Variants in NR5A2 observed in about 807,000 individuals in gnomAD.
NR5A2 encodes CYP7A promoter-binding factor.
Under a neutral mutation model 62.7 loss-of-function variants are expected in NR5A2, and 26 were observed. The ratio of observed to expected loss-of-function variants is 0.41; its 90% CI spans 0.30 to 0.58. The LOEUF (loss-of-function observed/expected upper bound fraction) is 0.58, where lower values mean the gene tolerates loss of function less well. NR5A2 is among the 20% of genes least tolerant of loss of function. The pLI, the probability that NR5A2 is intolerant of heterozygous loss-of-function variation, is 0.22. For missense variants in NR5A2, 541 were observed against 669.1 expected (o/e 0.81, Z 2.11); for synonymous variants, 246 against 241.7 (o/e 1.02, Z -0.16).
chr1:200,034,249 G>A (rs1571690195), intron 1 of NR5A2, among the ~76,000 whole-genome samples: 1 of 152,190 alleles, frequency 6.6e-6, no homozygotes, highest in East Asian at 1.9e-4. Flanking sequence ...AGGCTGGACA[G>A]AATTGATTCC....
At chr1:200,070,880 A>G (rs1272098764) in intron 5 of NR5A2, among the ~76,000 whole-genome samples, 2 of 152,088 alleles carry the variant, frequency 1.3e-5, no homozygotes, top group Admixed American at 1.3e-4. Context: ...GCAGAGTTTC[A>G]GTTTATATGT....
chr1:200,101,584 T>C (rs1276489082), intron 5 of NR5A2, among the ~76,000 whole-genome samples: 2 of 152,300 alleles, frequency 1.3e-5, no homozygotes, highest in Middle Eastern at 3.4e-3. Flanking sequence ...TCCTCCTCTA[T>C]CTTAACATGT....
rs1049428826 is a variant in NR5A2, at chr1:200,094,811, C to T, written c.1111-16391C>T. On this transcript the variant is annotated intron_variant, in intron 5 of 7. Transcript: ENST00000367362. ...CCTCCCAAAGTGCTGGGATTACAGG[C>T]GTGAGCCACCGCGCCTGGCCAAATG... Among the ~76,000 whole-genome samples, 18 of 151,680 alleles carry T rather than the reference C, an allele frequency of 1.2e-4. No individual in the cohort carries two copies. In the South Asian group the frequency reaches 1.5e-3, roughly 12 times the overall value.
chr1:200,073,004 A>G (rs925006864), intron 5 of NR5A2, among the ~76,000 whole-genome samples: 2 of 152,142 alleles, frequency 1.3e-5, no homozygotes, highest in African/African-American at 4.8e-5. Context: ...TCTAGGTGAC[A>G]CAAGATGTGA....
intron 7 of NR5A2, among the ~76,000 whole-genome samples, chr1:200,137,205 T>TA (rs1349053008): frequency 1.3e-5 from 2 of 151,764 alleles, no homozygotes; most frequent in African/African-American, 2.4e-5. Context: ...GGCTGGAGTG[T>TA]AGTAGCACAA....
chr1:200,159,737 C>T (rs1328252632), intron 7 of NR5A2, among the ~76,000 whole-genome samples: 1 of 151,934 alleles, frequency 6.6e-6, no homozygotes, highest in Non-Finnish European at 1.5e-5. Context: ...CTGCAACCTC[C>T]ACCTCCCAGG....
intron 5 of NR5A2, 150 bp from the exon 6 acceptor site, chr1:200,111,052 C>A: frequency 1.3e-6 from 1 of 799,588 alleles, no homozygotes. Flanking sequence ...GATATGAATT[C>A]TGGGCACCTG....
At chr1:200,078,389 T>C (rs887483980) in intron 5 of NR5A2, among the ~76,000 whole-genome samples, 5 of 152,170 alleles carry the variant, frequency 3.3e-5, no homozygotes, top group Admixed American at 3.3e-4. Context: ...TGATTGTTTG[T>C]AGTTATTTTA....
At chr1:200,076,178 C>T (rs1435280682) in intron 5 of NR5A2, among the ~76,000 whole-genome samples, 2 of 152,138 alleles carry the variant, frequency 1.3e-5, no homozygotes, top group African/African-American at 4.8e-5. Context: ...TCCAATATTT[C>T]AAAAGATACA....
intron 7 of NR5A2, among the ~76,000 whole-genome samples, chr1:200,154,519 C>A (rs563954272): frequency 1.3e-5 from 2 of 152,086 alleles, no homozygotes; most frequent in African/African-American, 4.8e-5. Flanking sequence ...GGTGGCCCCA[C>A]CACTGTCCAC....
At chr1:200,028,051 A>T (rs373828409) in intron 1 of NR5A2, 140 bp downstream of exon 1, 1 of 495,370 alleles carries the variant, frequency 2.0e-6, no homozygotes, top group Admixed American at 4.0e-5. Flanking sequence ...GCCTATGTAT[A>T]TATATCACAC....
At chr1:200,129,439 C>T (rs531779568) in intron 7 of NR5A2, among the ~76,000 whole-genome samples, 11 of 152,316 alleles carry the variant, frequency 7.2e-5, no homozygotes, top group Admixed American at 2.6e-4. Flanking sequence ...CAGAAAACCA[C>T]GGCACTTCAA....
intron 7 of NR5A2, among the ~76,000 whole-genome samples, chr1:200,145,615 T>C (rs1244735181): frequency 2.0e-5 from 3 of 152,116 alleles, no homozygotes; most frequent in African/African-American, 7.2e-5. Context: ...ACTAGGTTCT[T>C]ATGTTGCAGG....
At chr1:200,170,904 G>T (rs568532170) in intron 7 of NR5A2, among the ~76,000 whole-genome samples, 4 of 152,270 alleles carry the variant, frequency 2.6e-5, no homozygotes, top group African/African-American at 4.8e-5. Context: ...AAGGAAATTG[G>T]CTTGTGAAAT....
At chr1:200,111,153 A>G in intron 5 of NR5A2, 49 bp from the exon 6 acceptor site, 12 of 1,596,482 alleles carry the variant, frequency 7.5e-6, no homozygotes, top group Non-Finnish European at 1.0e-5. Flanking sequence ...AGTGAATAAC[A>G]GTGTCATTTT....
chr1:200,036,526 T>C (rs1196455895), intron 1 of NR5A2, among the ~76,000 whole-genome samples: 1 of 152,178 alleles, frequency 6.6e-6, no homozygotes, highest in African/African-American at 2.4e-5. Context: ...TGCCTCTGCC[T>C]CTTGGATGGA....
intron 5 of NR5A2, among the ~76,000 whole-genome samples, chr1:200,100,054 C>G (rs1328355192): frequency 2.0e-5 from 3 of 152,144 alleles, no homozygotes; most frequent in Non-Finnish European, 1.5e-5. Context: ...ATATATCAAG[C>G]TGAGAAGGAT....
At chr1:200,138,411 T>C (rs1667317510) in intron 7 of NR5A2, among the ~76,000 whole-genome samples, 2 of 152,224 alleles carry the variant, frequency 1.3e-5, no homozygotes, top group South Asian at 4.1e-4. Flanking sequence ...AACATCTTTC[T>C]GTTTCTTTGA....
intron 5 of NR5A2, among the ~76,000 whole-genome samples, chr1:200,073,062 T>G (rs1002239255): frequency 1.1e-4 from 16 of 151,922 alleles, no homozygotes; most frequent in African/African-American, 3.6e-4. Context: ...GTTGATTGCT[T>G]GCCTTTTTGT....
Sources: allele counts gnomAD v4.1 joint callset (sites outside exome capture counted in the v4.1 genomes callset), GRCh38; gene constraint gnomAD v4.1.1; transcripts MANE v1.5; gene names NCBI Gene and HGNC (gene_info 2026-07-23, HGNC 2026-07-21).